DPF3: variants seen among roughly 807,000 people sequenced by gnomAD.
DPF3 encodes double PHD fingers 3, also known as zinc finger protein DPF3.
A neutral mutation model predicts 56.8 loss-of-function variants in DPF3; 18 were observed. The observed-to-expected ratio is 0.32, with a 90% CI of 0.22 to 0.47. DPF3 has a LOEUF of 0.47. DPF3 is among the 20% of genes least tolerant of loss of function. DPF3 has a pLI of 1.00. For missense variants in DPF3, 403 were observed against 488.8 expected, an observed-to-expected ratio of 0.82 and a Z score of 1.65; for synonymous variants, 188 against 180.2, an observed-to-expected ratio of 1.04 and a Z score of -0.35.
chr14:72,753,137 G>A (rs1890648938), intron 3 of DPF3, 127 bp downstream of exon 3: 2 of 741,982 alleles, frequency 2.7e-6, no homozygotes, highest in Non-Finnish European at 4.4e-6. Flanking sequence ...AGCATGATGT[G>A]GGCATGTTCC....
intron 8 of DPF3, among the ~76,000 whole-genome samples, chr14:72,632,084 T>C (rs113950402): frequency 0.019 from 2,908 of 152,236 alleles, 97 homozygotes; most frequent in African/African-American, 0.066. Flanking sequence ...GCTGCAGAGG[T>C]AGCTGGAGAA....
intron 1 of DPF3, among the ~76,000 whole-genome samples, chr14:72,857,352 G>T (rs1164904966): frequency 1.3e-5 from 2 of 152,132 alleles, no homozygotes; most frequent in African/African-American, 4.8e-5. Flanking sequence ...TAAAAAGCTT[G>T]TTAAAAACTT....
At chr14:72,762,276 CA>C (rs1033161744) in intron 2 of DPF3, among the ~76,000 whole-genome samples, 1 of 151,684 alleles carries the variant, frequency 6.6e-6, no homozygotes, top group African/African-American at 2.4e-5. Flanking sequence ...AACATAGATG[CA>C]AAAACTCTAA....
intron 1 of DPF3, among the ~76,000 whole-genome samples, chr14:72,805,541 G>A (rs576513204): frequency 2.0e-5 from 3 of 151,184 alleles, no homozygotes; most frequent in East Asian, 3.9e-4. Context: ...TGCCATGCAC[G>A]CACAGGGTCA....
intron 9 of DPF3, among the ~76,000 whole-genome samples, chr14:72,620,426 C>A (rs1246019029): frequency 6.6e-6 from 1 of 152,212 alleles, no homozygotes; most frequent in African/African-American, 2.4e-5. Context: ...TGGCCAACAG[C>A]TGTACTGGGA....
intron 1 of DPF3, among the ~76,000 whole-genome samples, chr14:72,780,941 C>A (rs545207260): frequency 6.6e-6 from 1 of 152,130 alleles, no homozygotes; most frequent in East Asian, 1.9e-4. Context: ...GTGAAAGAAT[C>A]GCTAAGGGGT....
chr14:72,880,026 CCA>C, intron 1 of DPF3: 1 of 1,363,188 alleles, frequency 7.3e-7, no homozygotes, highest in East Asian at 2.6e-5. Flanking sequence ...GGTATAGAAT[CCA>C]GTTTCTCCCT....
At chr14:72,754,407 G>T (rs1288545783) in intron 2 of DPF3, among the ~76,000 whole-genome samples, 4 of 152,118 alleles carry the variant, frequency 2.6e-5, no homozygotes, top group Admixed American at 2.6e-4. Context: ...TTTTTGTCTT[G>T]TTCTTGTCAG....
chr14:72,878,826 A>G (rs781480947), intron 1 of DPF3, among the ~76,000 whole-genome samples: 5 of 152,264 alleles, frequency 3.3e-5, no homozygotes, highest in African/African-American at 7.2e-5. Flanking sequence ...CGAGGCTGCC[A>G]CATGTCATAA....
chr14:72,772,065 G>C (rs939133894), intron 1 of DPF3, among the ~76,000 whole-genome samples, 172 bp from the exon 2 acceptor site: 14 of 152,216 alleles, frequency 9.2e-5, no homozygotes, highest in African/African-American at 3.4e-4. Context: ...GCAACTCAAT[G>C]TCAGGTCTTG....
rs537959546 is a variant in DPF3, at chr14:72,611,341, C to G, written c.*7956G>C. The stretch of plus-strand genomic sequence containing the variant: ...AAACAACTGAGAGTCTAAGCCAGCA[C>G]GAAGCTAGGATCTGACAAGCACCTG... On this transcript the variant is annotated 3_prime_UTR_variant, in exon 11 of 11. Transcript: ENST00000556509. Among the ~76,000 whole-genome samples the G allele has an allele frequency of 1.3e-5, 2 of 152,208 alleles. No homozygotes were observed. The highest frequency in any genetic ancestry group is 2.1e-4 in the South Asian group (1 of 4,832).
At chr14:72,805,989 A>G (rs1457314640) in intron 1 of DPF3, 1 of 152,192 alleles carries the variant, frequency 6.6e-6, no homozygotes, top group Non-Finnish European at 1.5e-5. Flanking sequence ...GGATCCAGTC[A>G]GGGCTTCTTC....
rs1262699348 is a variant in DPF3 at position 72,613,987 on chromosome 14, T to C, written c.*5310A>G. Among the ~76,000 whole-genome samples the C allele has an allele frequency of 6.6e-6, 1 of 151,490 alleles. No individual in the cohort carries two copies. The highest frequency in any genetic ancestry group is 2.4e-5 in the African/African-American group (1 of 41,086). On this transcript the variant is annotated 3_prime_UTR_variant, in exon 11 of 11. Coordinates refer to ENST00000556509, the MANE Select transcript of DPF3 (RefSeq NM_001280542.3). ...TCTCCCCTCCTTCCCCCTGCCCCAC[T>C]CTCAGCTGTCCACTCACAGACCAGA...
At chr14:72,650,775 A>G (rs1035844046) in intron 8 of DPF3, among the ~76,000 whole-genome samples, 2 of 152,164 alleles carry the variant, frequency 1.3e-5, no homozygotes, top group Admixed American at 1.3e-4. Context: ...GTGAGCTAAG[A>G]GGACAAAGGA....
In DPF3 at chr14:72,661,854, CTTTTTTTT is replaced by C. The variant is rs60114618; in HGVS notation, c.871+12378_871+12385del. 829 of 925,218 alleles carry C rather than the reference CTTTTTTTT, an allele frequency of 9.0e-4. 2 individuals are homozygous for C. The African/African-American group carries it at 0.017, about 19-fold the overall frequency. The allele number at this position is 925,218 out of a possible 1,614,324, so 57.3% of individuals were successfully genotyped here. ...ACCTCAGCTGATGCTTTTATTTTTGCTTTTTTTTTTTTTTTTTTTTTGCTGCATTATTT... is the reference window on the plus strand; with the variant it reads ...ACCTCAGCTGATGCTTTTATTTTTGCTTTTTTTTTTTTTGCTGCATTATTT... On this transcript the variant is annotated intron_variant, in intron 8 of 10. Transcript: ENST00000556509.
intron 1 of DPF3, among the ~76,000 whole-genome samples, chr14:72,862,830 T>C (rs890213711): frequency 3.3e-5 from 5 of 152,268 alleles, no homozygotes; most frequent in African/African-American, 1.2e-4. Flanking sequence ...CTCACTTCTT[T>C]ACTTAGTTAC....
chr14:72,802,143 G>T (rs1299112836), intron 1 of DPF3, among the ~76,000 whole-genome samples: 1 of 151,506 alleles, frequency 6.6e-6, no homozygotes, highest in Non-Finnish European at 1.5e-5. Flanking sequence ...GGTGTGCAGG[G>T]CCATCACAGC....
intron 8 of DPF3, chr14:72,662,022 AG>A (rs967196108): frequency 1.5e-5 from 15 of 984,984 alleles, no homozygotes; most frequent in African/African-American, 1.7e-5. Flanking sequence ...TTCAGATAAA[AG>A]GGGCTTGCCT....
intron 6 of DPF3, among the ~76,000 whole-genome samples, chr14:72,704,037 A>C (rs1459789104): frequency 1.3e-5 from 2 of 152,218 alleles, no homozygotes; most frequent in African/African-American, 4.8e-5. Context: ...TAAGGTTAAT[A>C]TTATTGTCCT....
Sources: allele counts gnomAD v4.1 joint callset (sites outside exome capture counted in the v4.1 genomes callset), GRCh38; gene constraint gnomAD v4.1.1; transcripts MANE v1.5; gene names NCBI Gene and HGNC (gene_info 2026-07-23, HGNC 2026-07-21).